The following EEA1 variants were observed in gnomAD, a reference collection of about 807,000 sequenced individuals.
EEA1 encodes early endosome antigen 1, 162kD.
A neutral mutation model predicts 209.2 loss-of-function variants in EEA1; 111 were observed. The observed-to-expected ratio is 0.53, with a 90% confidence interval of 0.45 to 0.62. The LOEUF is 0.62. Ranked by LOEUF, EEA1 falls within the 20% of genes least tolerant of loss-of-function variation. The pLI is 0.00. For missense variants in EEA1, 1,343 were observed against 1,530.8 expected, an observed-to-expected ratio of 0.88 and a Z score of 2.05; for synonymous variants, 536 against 540.6, an observed-to-expected ratio of 0.99 and a Z score of 0.12.
At chr12:92,896,077 G>A (rs936680150) in intron 1 of EEA1, among the ~76,000 whole-genome samples, 4 of 151,666 alleles carry the variant, frequency 2.6e-5, no homozygotes, top group Admixed American at 6.6e-5. Flanking sequence ...AGGTTCAAGC[G>A]ATTCTCCTGC....
intron 1 of EEA1, among the ~76,000 whole-genome samples, chr12:92,928,764 C>A (rs1307098666): frequency 1.3e-5 from 2 of 152,020 alleles, no homozygotes; most frequent in African/African-American, 4.8e-5. Flanking sequence ...CGGCACCACA[C>A]CCTCCAGCTC....
intron 2 of EEA1, among the ~76,000 whole-genome samples, chr12:92,880,599 C>A (rs532426802): frequency 6.6e-6 from 1 of 152,068 alleles, no homozygotes; most frequent in Non-Finnish European, 1.5e-5. Flanking sequence ...CTCAGCCTCG[C>A]GAGTAGCTGG....
At chr12:92,928,898 C>T (rs1018627920) in intron 1 of EEA1, 145 bp downstream of exon 1, 16 of 633,560 alleles carry the variant, frequency 2.5e-5, no homozygotes, top group Non-Finnish European at 3.7e-5. Context: ...CGCCCCCGGG[C>T]CGGGCGACCG....
In EEA1 at chr12:92,801,646, AGT is replaced by A. The variant is rs1874918029; in HGVS notation, c.2724_2725del (p.Leu909Ter). On this transcript the variant is annotated frameshift_variant, in exon 20 of 29. Transcript: ENST00000322349. LOFTEE classifies it high-confidence loss of function. ...CTTTTTCAGTTCCTTCTGTTCCTTA[AGT>A]GTGTTTTCCATCTGCACTTGAAGTT... The A allele has an allele frequency of 1.3e-6, 2 of 1,598,064 alleles. No homozygotes were observed. The highest frequency in any genetic ancestry group is 1.7e-6 in the Non-Finnish European group (2 of 1,174,574).
At chr12:92,922,430 T>G (rs1592781179) in intron 1 of EEA1, among the ~76,000 whole-genome samples, 1 of 152,198 alleles carries the variant, frequency 6.6e-6, no homozygotes, top group African/African-American at 2.4e-5. Context: ...GGGCCAGAGG[T>G]CCAGAAATTC....
chr12:92,881,095 T>C (rs944168648), intron 2 of EEA1, among the ~76,000 whole-genome samples: 1 of 152,172 alleles, frequency 6.6e-6, no homozygotes, highest in African/African-American at 2.4e-5. Flanking sequence ...CTCCCACTGC[T>C]AAATCTGACT....
In EEA1 at chr12:92,849,700, TAAAG is replaced by T. The variant is rs545857548; in HGVS notation, c.798+1407_798+1410del. On this transcript the variant is annotated intron_variant, in intron 9 of 28. Coordinates refer to ENST00000322349, the MANE Select transcript of EEA1 (RefSeq NM_003566.4). Reference sequence around the variant, plus strand: ...ACTTTCACCATCTCTTCCCATAAGATAAAGAAAGATTTTTAAAAATGAATTAGAC... The same window carrying T: ...ACTTTCACCATCTCTTCCCATAAGATAAAGATTTTTAAAAATGAATTAGAC... Among the ~76,000 whole-genome samples, 8 of 152,270 alleles carry T rather than the reference TAAAG, an allele frequency of 5.3e-5. No homozygotes were observed. The South Asian group carries it at 1.0e-3, about 20-fold the overall frequency.
At chr12:92,907,115 T>C (rs1208232050) in intron 1 of EEA1, among the ~76,000 whole-genome samples, 1 of 152,208 alleles carries the variant, frequency 6.6e-6, no homozygotes, top group Non-Finnish European at 1.5e-5. Flanking sequence ...AAAAAATTCA[T>C]GTAAAGTAAT....
rs1286572553 is a variant in EEA1 at position 92,862,982 on chromosome 12, A to ATACC, written c.245+1874_245+1877dup. 2.0e-5 allele frequency among the ~76,000 whole-genome samples: 3 copies of ATACC among 152,260 alleles called. No individual in the cohort carries two copies. The East Asian group carries it at 5.8e-4, about 29-fold the overall frequency. ...GTGCCTCCAGAACATCTGAGGGAAGATACCTAATAGGCAAGTTGGGAGATA... is the reference window on the plus strand; with the variant it reads ...GTGCCTCCAGAACATCTGAGGGAAGATACCTACCTAATAGGCAAGTTGGGAGATA... On this transcript the variant is annotated intron_variant, in intron 3 of 28. Coordinates refer to ENST00000322349, the MANE Select transcript of EEA1 (RefSeq NM_003566.4).
At chr12:92,925,427 G>C (rs987780664) in intron 1 of EEA1, among the ~76,000 whole-genome samples, 9 of 152,118 alleles carry the variant, frequency 5.9e-5, no homozygotes, top group African/African-American at 2.2e-4. Context: ...CATTGACCAA[G>C]CTGGTCTCGA....
intron 18 of EEA1, among the ~76,000 whole-genome samples, chr12:92,807,833 T>A (rs770432060): frequency 6.6e-6 from 1 of 152,134 alleles, no homozygotes; most frequent in South Asian, 2.1e-4. Flanking sequence ...GTTGTTAAGA[T>A]GTCATTTCTC....
chr12:92,826,269 G>A lies in EEA1; in HGVS notation c.1421C>T (p.Thr474Ile), dbSNP rs1199560240. Reference protein sequence around the residue: ...RLEEQLKEKVTNSTELQHQLD... With the variant: ...RLEEQLKEKVINSTELQHQLD... ...TTGATGCTGCAATTCTGTAGAATTT[G>A]TAACTTTTTCCTTCAACTTAAAAAA... Residue 474 changes from threonine (T) to isoleucine (I), a missense_variant, in exon 13 of 29, where the codon ACA (threonine) becomes ATA (isoleucine). Coordinates refer to ENST00000322349, the MANE Select transcript of EEA1 (RefSeq NM_003566.4). The A allele has an allele frequency of 6.2e-7, 1 of 1,611,606 alleles. No homozygotes were observed. Among genetic ancestry groups the A allele is most frequent in the Non-Finnish European group, 8.5e-7 (1 of 1,178,408 alleles).
chr12:92,829,778 T>TAAAAA (rs1270792347), intron 11 of EEA1, among the ~76,000 whole-genome samples: 11 of 71,220 alleles, frequency 1.5e-4, no homozygotes, highest in African/African-American at 5.6e-4. Flanking sequence ...AACTCTGTCT[T>TAAAAA]AAAAAAAAAA....
intron 1 of EEA1, among the ~76,000 whole-genome samples, chr12:92,911,880 T>C (rs2136777480): frequency 6.6e-6 from 1 of 152,378 alleles, no homozygotes; most frequent in East Asian, 1.9e-4. Flanking sequence ...AAAACCTCAG[T>C]GATCACTGCT....
At chr12:92,876,770 G>T (rs1220749405) in intron 2 of EEA1, among the ~76,000 whole-genome samples, 1 of 146,052 alleles carries the variant, frequency 6.8e-6, no homozygotes, top group African/African-American at 2.5e-5. Flanking sequence ...GCCCGGATCA[G>T]AGTATCAAGA....
At position 92,832,827 on chromosome 12, in the gene EEA1, T is replaced by G. The variant is rs1487711072; in HGVS notation, c.939A>C (p.Lys313Asn). The change falls in exon 11 of 29, where the codon AAA becomes AAC. Residue 313 changes from lysine to asparagine, a missense_variant. Lys to Asn is a moderately conservative substitution (Grantham distance 94). Around this residue, in one of 3 missense-constraint regions of EEA1, gnomAD observed 1,307 missense variants for 1,465.5 expected, o/e 0.89. Transcript: ENST00000322349. ...KNQTLTENLL[K>N]KEQDYTKLEE... ...CTAACTTAGTATAGTCTTGTTCTTTTTTCAGCAAGTTTTCTGTCAAGGTCT... is the reference window on the plus strand; with the variant it reads ...CTAACTTAGTATAGTCTTGTTCTTTGTTCAGCAAGTTTTCTGTCAAGGTCT... 1.2e-6 allele frequency: 2 copies of G among 1,603,396 alleles called. No homozygotes were observed. The highest frequency in any genetic ancestry group is 3.4e-5 in the Admixed American group (2 of 58,294).
At chr12:92,829,237 G>T (rs1182972413) in intron 11 of EEA1, among the ~76,000 whole-genome samples, 9 of 151,760 alleles carry the variant, frequency 5.9e-5, no homozygotes, top group Non-Finnish European at 2.9e-5. Flanking sequence ...AACCCGGGCG[G>T]CAGAGGTTGC....
At chr12:92,871,920 G>A (rs1348320227) in intron 2 of EEA1, among the ~76,000 whole-genome samples, 2 of 152,042 alleles carry the variant, frequency 1.3e-5, no homozygotes. Flanking sequence ...TCACTCTGTT[G>A]CCCAAGCTGT....
At chr12:92,867,683 G>C (rs1025600253) in intron 2 of EEA1, among the ~76,000 whole-genome samples, 5 of 152,064 alleles carry the variant, frequency 3.3e-5, no homozygotes, top group Non-Finnish European at 7.4e-5. Flanking sequence ...CTGATATGTA[G>C]ACAAATATTA....
Sources: allele counts gnomAD v4.1 joint callset (sites outside exome capture counted in the v4.1 genomes callset), GRCh38; gene constraint gnomAD v4.1.1; regional missense constraint gnomAD v4.1.1; transcripts MANE v1.5; gene names NCBI Gene and HGNC (gene_info 2026-07-23, HGNC 2026-07-21).